Variants in HEXB observed in about 807,000 individuals in gnomAD.
HEXB encodes the protein hexosaminidase subunit beta.
HEXB carries 51 observed loss-of-function variants against 71.2 expected under a neutral mutation model. The observed-to-expected ratio is 0.72, with a 90% CI of 0.57 to 0.90. HEXB has a LOEUF of 0.90. Among genes scored for constraint, HEXB ranks in the 40% least tolerant of loss-of-function variants. HEXB has a pLI of 0.00. For missense variants in HEXB, 617 were observed against 677.0 expected, an observed-to-expected ratio of 0.91 and a Z score of 0.98; for synonymous variants, 266 against 249.3, an observed-to-expected ratio of 1.07 and a Z score of -0.63.
At chr5:74,698,050 A>C (rs1353549645) in intron 5 of HEXB, among the ~76,000 whole-genome samples, 4 of 151,436 alleles carry the variant, frequency 2.6e-5, no homozygotes, top group African/African-American at 9.7e-5. Flanking sequence ...TGATGAAACT[A>C]TGCTATTTAA....
upstream of HEXB, among the ~76,000 whole-genome samples, chr5:74,681,309 AC>A (rs1290445045): frequency 6.6e-6 from 1 of 152,124 alleles, no homozygotes. Flanking sequence ...GGTGCTACTG[AC>A]GACCAGTGAG....
At chr5:74,704,887 T>G (rs927387028) in intron 5 of HEXB, among the ~76,000 whole-genome samples, 3 of 151,996 alleles carry the variant, frequency 2.0e-5, no homozygotes, top group African/African-American at 7.2e-5. Context: ...AGCCCAGGAG[T>G]TCCAGACCAG....
chr5:74,671,515 TAGGGCC>T (rs1298936123), intron 1 of HEXB, among the ~76,000 whole-genome samples: 1 of 151,644 alleles, frequency 6.6e-6, no homozygotes, highest in Non-Finnish European at 1.5e-5. Flanking sequence ...GGATGGAAGG[TAGGGCC>T]AGGGGCAGGG....
chr5:74,679,431 T>C (rs1748696290), intron 1 of HEXB, among the ~76,000 whole-genome samples: 1 of 152,098 alleles, frequency 6.6e-6, no homozygotes, highest in Admixed American at 6.5e-5. Context: ...TAAGAGAATT[T>C]GTTATCTAAC....
At chr5:74,650,888 T>C (rs1183209737) in intron 1 of HEXB, among the ~76,000 whole-genome samples, 1 of 133,208 alleles carries the variant, frequency 7.5e-6, no homozygotes, top group Non-Finnish European at 1.5e-5. Context: ...ATCACGCCAC[T>C]GCACTCCAGC....
upstream of HEXB, among the ~76,000 whole-genome samples, chr5:74,683,307 T>C (rs1250372076): frequency 1.3e-5 from 2 of 152,032 alleles, no homozygotes; most frequent in African/African-American, 4.8e-5. Context: ...TTCTTCTTTT[T>C]TTTTTTTTCT....
intron 1 of HEXB, among the ~76,000 whole-genome samples, chr5:74,656,202 C>T (rs750513656): frequency 6.6e-6 from 1 of 152,078 alleles, no homozygotes; most frequent in East Asian, 1.9e-4. Context: ...ACACCTGTAA[C>T]CCCAGCACTT....
At chr5:74,665,554 T>C (rs566833540) in intron 1 of HEXB, among the ~76,000 whole-genome samples, 22 of 152,098 alleles carry the variant, frequency 1.4e-4, no homozygotes, top group African/African-American at 5.1e-4. Flanking sequence ...TACAAAGGAC[T>C]ATAAAAATAG....
At chr5:74,695,221 T>C (rs974424900) in intron 3 of HEXB, among the ~76,000 whole-genome samples, 1 of 145,342 alleles carries the variant, frequency 6.9e-6, no homozygotes, top group Non-Finnish European at 1.5e-5. Flanking sequence ...TTTTTTTTTT[T>C]GAGACAGAAT....
At chr5:74,713,371 A>T (rs976055330) in intron 6 of HEXB, 135 bp from the exon 7 acceptor site, 20 of 805,838 alleles carry the variant, frequency 2.5e-5, no homozygotes, top group Non-Finnish European at 4.2e-5. Flanking sequence ...GAGTCATCTA[A>T]TATCACATGA....
At chr5:74,715,489 A>C (rs1749647559) in intron 7 of HEXB, 21 bp from the exon 8 acceptor site, 4 of 1,536,010 alleles carry the variant, frequency 2.6e-6, no homozygotes, top group Non-Finnish European at 3.6e-6. Context: ...TTTTAAAAAG[A>C]ATCTTAATAT....
chr5:74,716,514 C>A, intron 8 of HEXB, 73 bp from the exon 9 acceptor site: 2 of 838,082 alleles, frequency 2.4e-6, no homozygotes, highest in Non-Finnish European at 4.1e-6. Context: ...TGATGTTAGG[C>A]ATGTATACTG....
chr5:74,644,845 C>T (rs1747973821), intron 1 of HEXB, among the ~76,000 whole-genome samples: 1 of 131,288 alleles, frequency 7.6e-6, no homozygotes, highest in African/African-American at 2.9e-5. Context: ...AATCTCGGCT[C>T]ACTACAACCT....
chr5:74,651,925 A>G (rs768949218), intron 1 of HEXB, among the ~76,000 whole-genome samples: 7 of 152,314 alleles, frequency 4.6e-5, no homozygotes, highest in Middle Eastern at 3.4e-3. Flanking sequence ...ATGGGTTATT[A>G]ATTCGAACAT....
chr5:74,649,274 A>G (rs1365323766), intron 1 of HEXB, among the ~76,000 whole-genome samples: 2 of 152,138 alleles, frequency 1.3e-5, no homozygotes, highest in East Asian at 3.9e-4. Context: ...ATTTCCAACT[A>G]GCCAACCCAG....
At chr5:74,690,223 A>T (rs924970509) in intron 2 of HEXB, among the ~76,000 whole-genome samples, 2 of 152,178 alleles carry the variant, frequency 1.3e-5, no homozygotes, top group South Asian at 4.1e-4. Flanking sequence ...AGAACAAATA[A>T]GTGGGCGTGC....
chr5:74,676,173 G>T (rs1038914298), intron 1 of HEXB, among the ~76,000 whole-genome samples: 1 of 152,082 alleles, frequency 6.6e-6, no homozygotes, highest in Non-Finnish European at 1.5e-5. Context: ...TCATATGTAA[G>T]GAAAAATTAT....
intron 1 of HEXB, among the ~76,000 whole-genome samples, chr5:74,645,297 G>C (rs1178974067): frequency 3.3e-5 from 5 of 152,122 alleles, no homozygotes; most frequent in African/African-American, 1.2e-4. Flanking sequence ...TAACTCCTGG[G>C]CTCAAGCCAT....
rs181644083 is a variant in HEXB at position 74,656,308 on chromosome 5, G to A, written c.-377+15750G>A. On this transcript the variant is annotated intron_variant, in intron 1 of 13. Coordinates refer to the HEXB transcript ENST00000511181. ...AGCCTGGCCAACATGGTGAAACTCC[G>A]TCTCTACTAAAAATACAGAAATTAG... Among the ~76,000 whole-genome samples, 664 of 151,850 alleles carry A rather than the reference G, an allele frequency of 4.4e-3. 3 individuals carry two copies. Among genetic ancestry groups the A allele is most frequent in the Non-Finnish European group, 5.8e-3 (396 of 67,940 alleles).
Sources: allele counts gnomAD v4.1 joint callset (sites outside exome capture counted in the v4.1 genomes callset), GRCh38; gene constraint gnomAD v4.1.1; transcripts MANE v1.5; gene names NCBI Gene and HGNC (gene_info 2026-07-23, HGNC 2026-07-21).